Variants in TTLL5 observed in about 807,000 individuals in gnomAD.
TTLL5 encodes tubulin polyglutamylase TTLL5.
A neutral mutation model predicts 168.4 loss-of-function variants in TTLL5; 132 were observed. The observed-to-expected ratio is 0.78, with a 90% CI of 0.68 to 0.91. The LOEUF is 0.91. TTLL5 is among the 40% of genes least tolerant of loss of function. The pLI is 0.00. For synonymous variants in TTLL5, 546 were observed against 558.6 expected (o/e 0.98, Z 0.32); for missense variants, 1,545 against 1,581.5 (o/e 0.98, Z 0.39).
intron 29 of TTLL5, among the ~76,000 whole-genome samples, chr14:75,869,572 A>T (rs1457250200): frequency 5.3e-5 from 8 of 152,122 alleles, no homozygotes; most frequent in Non-Finnish European, 1.0e-4. Context: ...GTGGATCTTT[A>T]CAGCTGCCCT....
At chr14:75,687,341 T>C (rs183359499) in intron 5 of TTLL5, among the ~76,000 whole-genome samples, 1 of 152,292 alleles carries the variant, frequency 6.6e-6, no homozygotes, top group Admixed American at 6.5e-5. Context: ...TGGTGTGATC[T>C]TGGTTCACTG....
At chr14:75,827,245 G>C (rs887258314) in intron 28 of TTLL5, among the ~76,000 whole-genome samples, 1 of 152,112 alleles carries the variant, frequency 6.6e-6, no homozygotes, top group Admixed American at 6.5e-5. Flanking sequence ...ACACAGTTTA[G>C]AGTCAACTGG....
At chr14:75,786,817 G>T (rs1224791365) in intron 26 of TTLL5, among the ~76,000 whole-genome samples, 1 of 152,036 alleles carries the variant, frequency 6.6e-6, no homozygotes, top group African/African-American at 2.4e-5. Context: ...CATAGAAAAA[G>T]CAAGATAAAT....
At position 75,685,086 on chromosome 14, in the gene TTLL5, A is replaced by T. The variant is rs548104822; in HGVS notation, c.371+1430A>T. On this transcript the variant is annotated intron_variant, in intron 5 of 31. Transcript: ENST00000298832. ...TGTTTAGGTTCCCTTCAATATACTTAAAAGTGTGGTGTTGGCTAGGTGCAG... is the reference window on the plus strand; with the variant it reads ...TGTTTAGGTTCCCTTCAATATACTTTAAAGTGTGGTGTTGGCTAGGTGCAG... The T allele has an allele frequency of 2.0e-5, 3 of 152,304 alleles. No individual in the cohort carries two copies. In the East Asian group the frequency reaches 5.8e-4, roughly 29 times the overall value. The allele number at this position is 152,304 out of a possible 1,614,324, so 9.4% of individuals were successfully genotyped here. A position where few individuals can be genotyped will look rare whatever the true frequency, so the allele number is the denominator to read the frequency against.
intron 29 of TTLL5, among the ~76,000 whole-genome samples, chr14:75,873,446 C>A (rs1325432569): frequency 1.3e-5 from 2 of 152,212 alleles, no homozygotes; most frequent in African/African-American, 4.8e-5. Context: ...TCTTTCCCAT[C>A]CAGCCTCTGA....
chr14:75,904,674 A>T (rs986715103), intron 31 of TTLL5, among the ~76,000 whole-genome samples: 13 of 152,090 alleles, frequency 8.5e-5, no homozygotes, highest in Non-Finnish European at 1.8e-4. Flanking sequence ...CTGGCTTCTC[A>T]TAGTGACCTT....
Position 75,954,685 on chromosome 14 carries a change from A to G in TTLL5, c.*239A>G, listed in dbSNP as rs78083913. On this transcript the variant is annotated 3_prime_UTR_variant, in exon 32 of 32. Transcript: ENST00000298832. Reference sequence around the variant, plus strand: ...ATGGAACTTGGCAGTGGGGACATTCAGCTGATGCATTATATACCCCGTCAG... The same window carrying G: ...ATGGAACTTGGCAGTGGGGACATTCGGCTGATGCATTATATACCCCGTCAG... 1,037 of 584,472 alleles carry G rather than the reference A, an allele frequency of 1.8e-3. 2 individuals carry two copies. The highest frequency in any genetic ancestry group is 0.017 in the African/African-American group (920 of 53,794). The allele number at this position is 584,472 out of a possible 1,614,324, so 36.2% of individuals were successfully genotyped here.
In TTLL5 at chr14:75,882,856, A is replaced by G. The variant is rs761487987; in HGVS notation, c.3694A>G (p.Asn1232Asp). The change falls in exon 30 of 32, where the codon AAC becomes GAC. Residue 1232 changes from asparagine to aspartate, a missense_variant. Transcript: ENST00000298832. ...CASLVPKPPP[N>D]HEQVLRRATS... ...CTCCCTGGTTCCCAAACCCCCACCC[A>G]ACCACGAACAAGTGCTCAGAAGGGC... is the stretch of plus-strand genomic sequence containing the variant. 6.2e-7 allele frequency: 1 copy of G among 1,614,098 alleles called. No individual in the cohort carries two copies. Among genetic ancestry groups the G allele is most frequent in the South Asian group, 1.1e-5 (1 of 91,068 alleles).
intron 15 of TTLL5, among the ~76,000 whole-genome samples, chr14:75,743,575 CTTTTTTTTTTTTTTT>C (rs33959405): frequency 1.6e-5 from 1 of 63,098 alleles, no homozygotes; most frequent in Non-Finnish European, 2.6e-5. Flanking sequence ...TGGCATCGCT[CTTTTTTTTTTTTTTT>C]TTTTTTTTTG....
intron 31 of TTLL5, among the ~76,000 whole-genome samples, chr14:75,934,640 G>A (rs1196391475): frequency 6.6e-6 from 1 of 152,162 alleles, no homozygotes; most frequent in East Asian, 1.9e-4. Flanking sequence ...TGGGGGGAAG[G>A]AAGGAGGGAT....
intron 30 of TTLL5, chr14:75,886,550 C>G (rs1350113634): frequency 1.0e-6 from 1 of 987,310 alleles, no homozygotes; most frequent in East Asian, 2.6e-5. Context: ...TTGTAGTTCT[C>G]AAATTCATAT....
chr14:75,925,489 G>A (rs1189883309), intron 31 of TTLL5, among the ~76,000 whole-genome samples: 3 of 147,918 alleles, frequency 2.0e-5, no homozygotes, highest in East Asian at 2.0e-4. Flanking sequence ...CATCTCAGGC[G>A]ATGGGCGGCC....
chr14:75,922,790 T>C (rs1241653394), intron 31 of TTLL5, among the ~76,000 whole-genome samples: 2 of 152,220 alleles, frequency 1.3e-5, no homozygotes, highest in African/African-American at 2.4e-5. Flanking sequence ...ACTGGAATAG[T>C]TTCAGAAGGA....
intron 30 of TTLL5, among the ~76,000 whole-genome samples, chr14:75,885,680 G>C (rs1040337138): frequency 1.5e-4 from 23 of 152,286 alleles, no homozygotes; most frequent in African/African-American, 5.3e-4. Context: ...TCGAAATCAG[G>C]ATCCTGAGTA....
chr14:75,872,356 A>T (rs1318778363), intron 29 of TTLL5, among the ~76,000 whole-genome samples: 6 of 152,232 alleles, frequency 3.9e-5, no homozygotes, highest in Admixed American at 6.5e-5. Flanking sequence ...TTTGCTTTAG[A>T]TATGTTTGCT....
At chr14:75,723,818 A>C (rs1887998752) in intron 12 of TTLL5, among the ~76,000 whole-genome samples, 1 of 151,932 alleles carries the variant, frequency 6.6e-6, no homozygotes, top group South Asian at 2.1e-4. Context: ...GTGCATCTGG[A>C]GTTTTTTAAG....
At chr14:75,851,248 CAG>C (rs1175188294) in intron 28 of TTLL5, among the ~76,000 whole-genome samples, 9 of 151,994 alleles carry the variant, frequency 5.9e-5, no homozygotes, top group African/African-American at 1.9e-4. Flanking sequence ...GAAATACACA[CAG>C]AGGAAGAATA....
chr14:75,706,837 T>C (rs527647147), intron 7 of TTLL5, among the ~76,000 whole-genome samples, 181 bp from the exon 8 acceptor site: 7 of 152,080 alleles, frequency 4.6e-5, no homozygotes, highest in Non-Finnish European at 1.0e-4. Context: ...TGGATGCCTA[T>C]AGTGTTATAG....
intron 29 of TTLL5, among the ~76,000 whole-genome samples, chr14:75,869,804 G>A (rs1020349291): frequency 6.1e-5 from 7 of 115,348 alleles, no homozygotes; most frequent in African/African-American, 2.3e-4. Flanking sequence ...AACTTGCAAT[G>A]TATACATTCA....
Sources: gnomAD v4.1 joint callset for allele counts (sites outside exome capture counted in the v4.1 genomes callset) on GRCh38, gnomAD v4.1.1 for gene constraint, MANE v1.5 for transcripts, NCBI Gene and HGNC (gene_info 2026-07-23, HGNC 2026-07-21) for gene names.